The following GAPDHS variants were observed in gnomAD, a reference collection of about 807,000 sequenced individuals.
GAPDHS encodes glyceraldehyde-3-phosphate dehydrogenase, spermatogenic.
Under a neutral mutation model 48.7 loss-of-function variants are expected in GAPDHS, and 42 were observed. The observed-to-expected ratio is 0.86, with a 90% confidence interval of 0.67 to 1.12. The LOEUF is 1.12. Ranked by LOEUF, GAPDHS falls within the 50% of genes most tolerant of loss-of-function variation. The pLI is 0.00. For missense variants in GAPDHS, 512 were observed against 557.7 expected (o/e 0.92, Z 0.82); for synonymous variants, 166 against 219.1 (o/e 0.76, Z 2.14).
intron 8 of GAPDHS, 69 bp downstream of exon 8, chr19:35,543,560 A>G: frequency 6.4e-7 from 1 of 1,569,734 alleles, no homozygotes; most frequent in East Asian, 2.2e-5. Flanking sequence ...CCCGGCCCTC[A>G]GTCCTTAAGA....
chr19:35,545,247 G>A lies in GAPDHS; in HGVS notation c.*77G>A, dbSNP rs1170540379. 1 of 1,228,044 alleles carries A rather than the reference G, an allele frequency of 8.1e-7. No individual in the cohort carries two copies. Among genetic ancestry groups the A allele is most frequent in the Non-Finnish European group, 1.2e-6 (1 of 831,084 alleles). The allele number at this position is 1,228,044 out of a possible 1,614,324, so 76.1% of individuals were successfully genotyped here. A position where few individuals can be genotyped will look rare whatever the true frequency, so the allele number is the denominator to read the frequency against. On this transcript the variant is annotated 3_prime_UTR_variant, in exon 11 of 11. Transcript: ENST00000222286. ...CTCCCGTTCCAGCATCTGGCTGCCC[G>A]GGGGAGGAAGGACACCCGGGGCGGG... is the stretch of plus-strand genomic sequence containing the variant.
At chr19:35,543,135 G>A (rs2071517105) in intron 7 of GAPDHS, 109 bp downstream of exon 7, 1 of 1,023,386 alleles carries the variant, frequency 9.8e-7, no homozygotes, top group African/African-American at 1.6e-5. Flanking sequence ...GTTTCGGGAG[G>A]AGAGGCCCAC....
intron 3 of GAPDHS, 45 bp from the exon 4 acceptor site, chr19:35,538,532 C>T (rs1342541336): frequency 7.4e-7 from 1 of 1,357,382 alleles, no homozygotes; most frequent in Non-Finnish European, 1.1e-6. Flanking sequence ...TCTAGGGATC[C>T]TCACCCTGCC....
At position 35,545,251 on chromosome 19, in the gene GAPDHS, G is replaced by A. The variant is rs772191198; in HGVS notation, c.*81G>A. ...CGTTCCAGCATCTGGCTGCCCGGGG[G>A]AGGAAGGACACCCGGGGCGGGCGCC... is the stretch of plus-strand genomic sequence containing the variant. On this transcript the variant is annotated 3_prime_UTR_variant, in exon 11 of 11. Transcript: ENST00000222286. The A allele has an allele frequency of 2.5e-6, 3 of 1,196,740 alleles. No homozygotes were observed. The highest frequency in any genetic ancestry group is 3.7e-6 in the Non-Finnish European group (3 of 802,420). 74.1% of individuals were successfully genotyped at this position (1,196,740 alleles called of 1,614,324 possible). A position where few individuals can be genotyped will look rare whatever the true frequency, so the allele number is the denominator to read the frequency against.
chr19:35,536,789 C>T, intron 1 of GAPDHS, 24 bp from the exon 2 acceptor site: 5 of 1,565,374 alleles, frequency 3.2e-6, no homozygotes, highest in Non-Finnish European at 4.4e-6. Flanking sequence ...TCATGCAACC[C>T]ATTCCCTCCC....
intron 2 of GAPDHS, among the ~76,000 whole-genome samples, chr19:35,537,494 C>T (rs999242304): frequency 2.0e-5 from 3 of 152,130 alleles, no homozygotes; most frequent in African/African-American, 4.8e-5. Context: ...GTGAGAAGCC[C>T]GGAGGGGGCT....
In GAPDHS at chr19:35,536,965, C is replaced by T. The variant is rs776756605; in HGVS notation, c.220C>T (p.Arg74Trp). Residue 74 changes from arginine to tryptophan, a missense_variant, in exon 2 of 11, where the codon CGG (arginine) becomes TGG (tryptophan). Physicochemically the swap from Arg to Trp is moderately radical, Grantham distance 101. Coordinates refer to ENST00000222286, the MANE Select transcript of GAPDHS (RefSeq NM_014364.5). Reference sequence around the variant, plus strand: ...TCCTCCTAAGATGGTGTCTGTGGCCCGGGAGCTGACTGTGGGCATCAATGG... The same window carrying T: ...TCCTCCTAAGATGGTGTCTGTGGCCTGGGAGCTGACTGTGGGCATCAATGG... ...TPPPKMVSVA[R>W]ELTVGINGFG... 8.7e-6 allele frequency: 14 copies of T among 1,613,768 alleles called. No individual in the cohort carries two copies. In the South Asian group the frequency reaches 8.8e-5, roughly 10 times the overall value.
At chr19:35,538,890 C>T (rs528559083) in intron 4 of GAPDHS, among the ~76,000 whole-genome samples, 13 of 152,272 alleles carry the variant, frequency 8.5e-5, no homozygotes, top group South Asian at 2.1e-4. Flanking sequence ...TAAAAAGATG[C>T]CTCACTGTAC....
At chr19:35,536,657 A>G (rs1408250751) in intron 1 of GAPDHS, 156 bp from the exon 2 acceptor site, 2 of 590,562 alleles carry the variant, frequency 3.4e-6, no homozygotes, top group African/African-American at 1.8e-5. Context: ...ATTTTAAACA[A>G]GTTCATTCTG....
intron 9 of GAPDHS, chr19:35,544,051 A>G: frequency 3.1e-6 from 2 of 644,768 alleles, no homozygotes; most frequent in South Asian, 4.4e-5. Flanking sequence ...CTCTGGAGGA[A>G]CCTCCCTCTT....
At chr19:35,534,193 G>GCGCA (rs1555806689) in intron 1 of GAPDHS, among the ~76,000 whole-genome samples, 12 of 137,018 alleles carry the variant, frequency 8.8e-5, no homozygotes, top group East Asian at 2.5e-4. Context: ...CCGCGCGCGC[G>GCGCA]CACACACACA....
chr19:35,542,271 T>C (rs1568683665), intron 4 of GAPDHS, 48 bp from the exon 5 acceptor site: 1 of 1,279,314 alleles, frequency 7.8e-7, no homozygotes, highest in South Asian at 1.2e-5. Context: ...ACTATGAAGG[T>C]GGGGCTCAAG....
intron 2 of GAPDHS, 91 bp from the exon 3 acceptor site, chr19:35,538,216 C>T: frequency 1.2e-6 from 1 of 856,348 alleles, no homozygotes; most frequent in Non-Finnish European, 1.9e-6. Flanking sequence ...CCTTCTTCCC[C>T]TGGATTAAGG....
intron 2 of GAPDHS, among the ~76,000 whole-genome samples, chr19:35,537,693 A>C (rs1194116899): frequency 1.3e-5 from 2 of 152,116 alleles, no homozygotes; most frequent in African/African-American, 4.8e-5. Flanking sequence ...CAGCGTGGGC[A>C]ACATAGCGAG....
Position 35,545,007 on chromosome 19 carries a change from G to A in GAPDHS, c.1154+1G>A. The stretch of plus-strand genomic sequence containing the variant: ...ACAATTTCGTGAAGCTCATTTCATG[G>A]TAAGGGGGAAGGAGCTGGAGACTTA... On this transcript the variant is annotated splice_donor_variant, in intron 10 of 10. Transcript: ENST00000222286. LOFTEE classifies it high-confidence loss of function. 6.2e-7 allele frequency: 1 copy of A among 1,611,682 alleles called. No homozygotes were observed. The highest frequency in any genetic ancestry group is 8.5e-7 in the Non-Finnish European group (1 of 1,177,730).
chr19:35,534,188 C>T (rs559076067), intron 1 of GAPDHS, among the ~76,000 whole-genome samples: 7 of 133,864 alleles, frequency 5.2e-5, no homozygotes, highest in Admixed American at 3.4e-4. Flanking sequence ...CGCGCCCGCG[C>T]GCGCGCACAC....
chr19:35,540,232 C>G (rs1181074105), intron 4 of GAPDHS, among the ~76,000 whole-genome samples: 1 of 152,256 alleles, frequency 6.6e-6, no homozygotes, highest in Non-Finnish European at 1.5e-5. Context: ...GCACGGAGGG[C>G]TCTGTCAACT....
At chr19:35,542,692 T>G in intron 6 of GAPDHS, 84 bp downstream of exon 6, 1 of 973,804 alleles carries the variant, frequency 1.0e-6, no homozygotes, top group South Asian at 1.4e-5. Flanking sequence ...GGATTCCTGG[T>G]CGCTTGGCTT....
At chr19:35,545,035 G>A (rs377334939) in intron 10 of GAPDHS, 29 bp downstream of exon 10, 2 of 1,604,456 alleles carry the variant, frequency 1.2e-6, no homozygotes, top group South Asian at 2.2e-5. Flanking sequence ...GAGACTTAGA[G>A]GGAGGGGAAC....
Sources: allele counts gnomAD v4.1 joint callset (sites outside exome capture counted in the v4.1 genomes callset), GRCh38; gene constraint gnomAD v4.1.1; transcripts MANE v1.5; gene names NCBI Gene and HGNC (gene_info 2026-07-23, HGNC 2026-07-21).